SHISA5: variants seen among roughly 807,000 people sequenced by gnomAD.
The protein encoded by SHISA5 is shisa family member 5.
SHISA5 carries 21 observed loss-of-function variants against 27.5 expected under a neutral mutation model. The ratio of observed to expected loss-of-function variants is 0.76; its 90% CI spans 0.54 to 1.10. The LOEUF is 1.10. Among genes scored for constraint, SHISA5 ranks in the 50% least tolerant of loss-of-function variants. SHISA5 has a pLI of 0.00. For missense variants in SHISA5, 314 were observed against 336.3 expected, an observed-to-expected ratio of 0.93 and a Z score of 0.52; for synonymous variants, 137 against 142.2, an observed-to-expected ratio of 0.96 and a Z score of 0.26.
chr3:48,475,292 G>A (rs1202432215), intron 3 of SHISA5, among the ~76,000 whole-genome samples: 2 of 152,084 alleles, frequency 1.3e-5, no homozygotes, highest in African/African-American at 2.4e-5. Context: ...ATGGAACTAC[G>A]CCTCCGAGAG....
Position 48,468,050 on chromosome 3 carries a change from G to A in SHISA5, c.*1057C>T. On this transcript the variant is annotated 3_prime_UTR_variant, in exon 6 of 6. Transcript: ENST00000296444. ...CCCACACCCCACCTTTGGTCCAGAT[G>A]GCCCATTGGCCCAGGTGTCCCTGCT... 1.5e-6 allele frequency: 1 copy of A among 688,252 alleles called. No individual in the cohort carries two copies. Among genetic ancestry groups the A allele is most frequent in the Non-Finnish European group, 1.8e-6 (1 of 547,222 alleles). 42.6% of individuals were successfully genotyped at this position (688,252 alleles called of 1,614,324 possible).
At chr3:48,486,801 A>G (rs1166414486) in intron 2 of SHISA5, among the ~76,000 whole-genome samples, 1 of 149,880 alleles carries the variant, frequency 6.7e-6, no homozygotes, top group African/African-American at 2.4e-5. Context: ...AATCCCTGCA[A>G]TGCCTGTACT....
chr3:48,469,179 T>G lies in SHISA5; in HGVS notation c.651A>C (p.Ala217=), dbSNP rs778255576. 79 of 1,612,076 alleles carry G rather than the reference T, an allele frequency of 4.9e-5. No individual in the cohort carries two copies. The highest frequency in any genetic ancestry group is 1.8e-4 in the East Asian group (8 of 44,876). The part of the protein sequence containing the change: ...PAYHETLAGG[A]AAPYPASQPP... The stretch of plus-strand genomic sequence containing the variant: ...GCTGGCTGGCGGGGTAGGGCGCGGC[T>G]GCTCCTCCTGAAAGCAGAGAGGACC... Residue 217 remains alanine, a synonymous_variant, in exon 6 of 6, where the codon GCA becomes GCC. Transcript: ENST00000296444. The surrounding 1 kb of genome is among the most constrained non-coding windows in gnomAD (Gnocchi z 4.6).
chr3:48,471,797 G>A (rs2040635622), intron 3 of SHISA5, among the ~76,000 whole-genome samples: 1 of 151,728 alleles, frequency 6.6e-6, no homozygotes, highest in African/African-American at 2.4e-5. Flanking sequence ...AGAATCTCTT[G>A]AACCCAAGGA....
At chr3:48,502,424 G>A (rs76231207) in intron 1 of SHISA5, 1 of 456,700 alleles carries the variant, frequency 2.2e-6, no homozygotes, top group Admixed American at 2.3e-5. Flanking sequence ...GGGCAACAGG[G>A]CTCCAAGGCA....
rs970213139 is a variant in SHISA5 at position 48,476,091 on chromosome 3, C to T, written c.314+3086G>A. On this transcript the variant is annotated intron_variant, in intron 3 of 5. Transcript: ENST00000296444. ...GGGCACAGTGGCTCAGCCTGTAATC[C>T]CAGCATTTTGGGAGGCTGAGGCGGG... Among the ~76,000 whole-genome samples, 11 of 152,110 alleles carry T rather than the reference C, an allele frequency of 7.2e-5. No homozygotes were observed. The East Asian group carries it at 2.1e-3, about 29-fold the overall frequency.
At chr3:48,503,648 G>GGAA in intron 1 of SHISA5, 1 of 985,158 alleles carries the variant, frequency 1.0e-6, no homozygotes, top group Non-Finnish European at 1.2e-6. Flanking sequence ...AGGCAAAGAG[G>GGAA]GAAGGCCTCT....
chr3:48,468,954 C>G lies in SHISA5; in HGVS notation c.*153G>C, dbSNP rs1235139027. 1.9e-6 allele frequency: 3 copies of G among 1,574,110 alleles called. No homozygotes were observed. Among genetic ancestry groups the G allele is most frequent in the Non-Finnish European group, 2.6e-6 (3 of 1,168,058 alleles). ...ACCTTGTCAGCATCAGAGGAAGCCA[C>G]ATATACAGGCAGGACACACACAGCA... On this transcript the variant is annotated 3_prime_UTR_variant, in exon 6 of 6. Transcript: ENST00000296444.
chr3:48,469,226 G>T lies in SHISA5; in HGVS notation c.644-40C>A. 6.2e-7 allele frequency: 1 copy of T among 1,602,348 alleles called. No homozygotes were observed. ...GACCCTGGTTGGCTGTGAGCATGGT[G>T]GGCTGCCGTGTGAGTGGCAGGCAAG... On this transcript the variant is annotated intron_variant, in intron 5 of 5. Transcript: ENST00000296444. The surrounding 1 kb of genome is among the most constrained non-coding windows in gnomAD (Gnocchi z 4.6).
At chr3:48,494,483 C>T (rs1445145645) in intron 2 of SHISA5, among the ~76,000 whole-genome samples, 1 of 146,506 alleles carries the variant, frequency 6.8e-6, no homozygotes, top group East Asian at 1.9e-4. Context: ...TTAGTAGAAA[C>T]GTGGTTTCAC....
At position 48,470,001 on chromosome 3, in the gene SHISA5, TCTTGTGTAAA is replaced by T. The variant is rs139104206; in HGVS notation, c.315-168_315-159del. On this transcript the variant is annotated intron_variant, in intron 3 of 5. Coordinates refer to ENST00000296444, the MANE Select transcript of SHISA5 (RefSeq NM_016479.6). The surrounding 1 kb of genome is among the most constrained non-coding windows in gnomAD (Gnocchi z 4.3). ...CCTGCACCTGTTTCAATCTGTTTCC[TCTTGTGTAAA>T]CTGGGGTATATGTGAGTCCCTGTAA... The T allele has an allele frequency of 4.9e-4, 469 of 964,368 alleles. 1 individual carries two copies. In the African/African-American group the frequency reaches 7.0e-3, roughly 14 times the overall value. 59.7% of individuals were successfully genotyped at this position (964,368 alleles called of 1,614,324 possible). A position where few individuals can be genotyped will look rare whatever the true frequency, so the allele number is the denominator to read the frequency against.
intron 3 of SHISA5, among the ~76,000 whole-genome samples, chr3:48,475,978 G>A (rs2040813879): frequency 6.6e-6 from 1 of 152,230 alleles, no homozygotes. Context: ...TGCGGCAGGG[G>A]TTCTGGGCCA....
At chr3:48,497,022 G>A (rs1386978164) in intron 2 of SHISA5, among the ~76,000 whole-genome samples, 1 of 151,800 alleles carries the variant, frequency 6.6e-6, no homozygotes, top group African/African-American at 2.4e-5. Flanking sequence ...CTGAGGCCAA[G>A]AGTTTGAGAC....
chr3:48,494,638 A>T (rs2041501912), intron 2 of SHISA5, among the ~76,000 whole-genome samples: 1 of 147,548 alleles, frequency 6.8e-6, no homozygotes, highest in Non-Finnish European at 1.5e-5. Context: ...CTGTGTACAT[A>T]TACCACATTT....
At chr3:48,482,546 T>C (rs1307511504) in intron 2 of SHISA5, among the ~76,000 whole-genome samples, 1 of 152,216 alleles carries the variant, frequency 6.6e-6, no homozygotes, top group East Asian at 1.9e-4. Context: ...CTGTTAATTG[T>C]GCCAAATATG....
Position 48,473,043 on chromosome 3 carries a change from C to T in SHISA5, c.315-3200G>A, listed in dbSNP as rs1323190266. ...AGCCTCTGCCTTCACCCAGAGGCCT[C>T]CTGTACCCCTGGGCTTTCCCCTCTT... On this transcript the variant is annotated intron_variant, in intron 3 of 5. Transcript: ENST00000296444. This position sits in a 1 kb window ranked among gnomAD's most constrained non-coding sequence, Gnocchi z 4.3. 2.0e-6 allele frequency: 3 copies of T among 1,535,048 alleles called. No individual in the cohort carries two copies. Among genetic ancestry groups the T allele is most frequent in the Middle Eastern group, 1.7e-4 (1 of 5,986 alleles).
chr3:48,474,626 C>T (rs1208564210), intron 3 of SHISA5, among the ~76,000 whole-genome samples: 2 of 151,996 alleles, frequency 1.3e-5, no homozygotes, highest in African/African-American at 2.4e-5. Flanking sequence ...CCTGAGCCAC[C>T]GTGCCTGGCC....
Position 48,473,492 on chromosome 3 carries a change from G to A in SHISA5, c.315-3649C>T, listed in dbSNP as rs930737416. The A allele has an allele frequency of 2.3e-6, 3 of 1,291,052 alleles. No individual in the cohort carries two copies. The highest frequency in any genetic ancestry group is 5.5e-5 in the East Asian group (1 of 18,110). 80.0% of individuals were successfully genotyped at this position (1,291,052 alleles called of 1,614,324 possible). A position where few individuals can be genotyped will look rare whatever the true frequency, so the allele number is the denominator to read the frequency against. The stretch of plus-strand genomic sequence containing the variant: ...CTGCATCCATCTAGGCCCAGAGGGC[G>A]ACCCTGGGGCCCTGGCTGACACACA... On this transcript the variant is annotated intron_variant, in intron 3 of 5. Transcript: ENST00000296444. The surrounding 1 kb of genome is among the most constrained non-coding windows in gnomAD (Gnocchi z 4.3).
intron 2 of SHISA5, among the ~76,000 whole-genome samples, chr3:48,481,648 G>A (rs2041019470): frequency 6.6e-6 from 1 of 151,492 alleles, no homozygotes; most frequent in South Asian, 2.1e-4. Flanking sequence ...AATTAGCCTG[G>A]TGTGGTGGTG....
Sources: allele counts gnomAD v4.1 joint callset (sites outside exome capture counted in the v4.1 genomes callset), GRCh38; gene constraint gnomAD v4.1.1; non-coding constraint Gnocchi (gnomAD v3.1); transcripts MANE v1.5; gene names NCBI Gene and HGNC (gene_info 2026-07-23, HGNC 2026-07-21).